The following STAU2 variants were observed in gnomAD, a reference collection of about 807,000 sequenced individuals.
STAU2 encodes double-stranded RNA-binding protein Staufen homolog 2.
STAU2 carries 20 observed loss-of-function variants against 65.9 expected under a neutral mutation model. The ratio of observed to expected loss-of-function variants is 0.30; its 90% CI spans 0.21 to 0.44. The LOEUF is 0.44. STAU2 is among the 20% of genes least tolerant of loss of function. The probability of loss-of-function intolerance (pLI) is 1.00; values close to 1 mark genes in which losing one functional copy is unlikely to be tolerated. For synonymous variants in STAU2, 232 were observed against 233.9 expected (o/e 0.99, Z 0.07); for missense variants, 558 against 683.9 (o/e 0.82, Z 2.05).
At chr8:73,656,429 C>T (rs534372195) in intron 6 of STAU2, among the ~76,000 whole-genome samples, 14 of 152,366 alleles carry the variant, frequency 9.2e-5, no homozygotes, top group African/African-American at 3.1e-4. Context: ...CAGAAACTAC[C>T]TGACTTACAA....
intron 6 of STAU2, among the ~76,000 whole-genome samples, chr8:73,671,903 T>C (rs1234218510): frequency 2.0e-5 from 3 of 151,934 alleles, no homozygotes; most frequent in African/African-American, 7.3e-5. Context: ...CAGGTGCCTG[T>C]AATCCCAGCT....
chr8:73,738,543 C>T lies in STAU2; in HGVS notation c.-83-194G>A, dbSNP rs749742389. 8.5e-5 allele frequency among the ~76,000 whole-genome samples: 13 copies of T among 152,338 alleles called. 1 individual carries two copies. Among genetic ancestry groups the T allele is most frequent in the Non-Finnish European group, 1.9e-4 (13 of 68,040 alleles). ...GGAAGTCATTAGCCACATGTGGCTA[C>T]TGAGCACTTGAAATGTGGCTAGAGC... On this transcript the variant is annotated intron_variant, in intron 2 of 14. Transcript: ENST00000524300.
intron 5 of STAU2, among the ~76,000 whole-genome samples, chr8:73,685,371 CTTT>C (rs887119948): frequency 2.7e-5 from 4 of 149,714 alleles, no homozygotes; most frequent in African/African-American, 9.8e-5. Context: ...AAAAGAAACA[CTTT>C]TTTTTTCTTT....
chr8:73,620,256 A>G (rs184906011), intron 6 of STAU2, among the ~76,000 whole-genome samples: 1 of 152,222 alleles, frequency 6.6e-6, no homozygotes, highest in African/African-American at 2.4e-5. Flanking sequence ...GACAACTTGA[A>G]ATCAGAAATT....
intron 5 of STAU2, among the ~76,000 whole-genome samples, chr8:73,685,235 T>C (rs567256336): frequency 2.3e-4 from 35 of 152,204 alleles, no homozygotes; most frequent in African/African-American, 7.5e-4. Context: ...CTTTCCTTCA[T>C]AAATTACCCA....
chr8:73,532,361 C>G (rs1399406823), intron 13 of STAU2, among the ~76,000 whole-genome samples: 1 of 152,152 alleles, frequency 6.6e-6, no homozygotes, highest in Non-Finnish European at 1.5e-5. Flanking sequence ...TTAAGCCTCC[C>G]CTTTTTAGGC....
chr8:73,651,920 T>C (rs1281064998), intron 6 of STAU2, among the ~76,000 whole-genome samples: 1 of 152,220 alleles, frequency 6.6e-6, no homozygotes, highest in Non-Finnish European at 1.5e-5. Context: ...GCAAAGGTTC[T>C]GGAGATTTCT....
chr8:73,661,569 AC>A (rs778593135), intron 6 of STAU2, among the ~76,000 whole-genome samples: 25 of 152,264 alleles, frequency 1.6e-4, no homozygotes, highest in Admixed American at 3.3e-4. Context: ...CATTTCTATC[AC>A]CCCCAAAACT....
At chr8:73,437,913 G>C (rs1365240644) in intron 13 of STAU2, among the ~76,000 whole-genome samples, 1 of 152,136 alleles carries the variant, frequency 6.6e-6, no homozygotes, top group Non-Finnish European at 1.5e-5. Context: ...CCCTGCCCTT[G>C]GAAGGCAATC....
At chr8:73,468,524 C>A (rs1291644251) in intron 13 of STAU2, among the ~76,000 whole-genome samples, 1 of 152,174 alleles carries the variant, frequency 6.6e-6, no homozygotes, top group Non-Finnish European at 1.5e-5. Flanking sequence ...AGGCAACCTA[C>A]AGAATGGGAG....
intron 13 of STAU2, among the ~76,000 whole-genome samples, chr8:73,529,731 G>T (rs903461021): frequency 6.6e-6 from 1 of 152,146 alleles, no homozygotes; most frequent in Non-Finnish European, 1.5e-5. Context: ...CAATATTAGT[G>T]TGTTTACATA....
intron 5 of STAU2, among the ~76,000 whole-genome samples, chr8:73,685,382 T>G (rs1243571312): frequency 7.1e-6 from 1 of 141,794 alleles, no homozygotes; most frequent in East Asian, 2.0e-4. Flanking sequence ...TTTTTTTTTC[T>G]TTTTTTTTTT....
intron 6 of STAU2, among the ~76,000 whole-genome samples, chr8:73,647,697 G>A (rs112801856): frequency 0.022 from 3,273 of 151,448 alleles, 123 homozygotes; most frequent in African/African-American, 0.074. Context: ...TCCCACCTCA[G>A]CCTCCCAAGT....
chr8:73,530,505 C>T (rs760980989), intron 13 of STAU2, among the ~76,000 whole-genome samples: 2 of 152,134 alleles, frequency 1.3e-5, no homozygotes, highest in Non-Finnish European at 2.9e-5. Context: ...TAGTGGGTAG[C>T]TCTAAGAGAA....
intron 6 of STAU2, among the ~76,000 whole-genome samples, chr8:73,618,488 C>A (rs1812996689): frequency 6.6e-6 from 1 of 152,160 alleles, no homozygotes; most frequent in African/African-American, 2.4e-5. Flanking sequence ...GGAAGCCTGT[C>A]TGGCAAAAGT....
At position 73,421,166 on chromosome 8, in the gene STAU2, C is replaced by G. The variant is rs576160250; in HGVS notation, c.*206G>C. The G allele has an allele frequency of 9.6e-6, 5 of 519,994 alleles. No individual in the cohort carries two copies. Among genetic ancestry groups the G allele is most frequent in the Non-Finnish European group, 1.7e-5 (5 of 296,696 alleles). 32.2% of individuals were successfully genotyped at this position (519,994 alleles called of 1,614,324 possible). The stretch of plus-strand genomic sequence containing the variant: ...AGGCAAATGAGTTATGATCTGATCT[C>G]GAGTTCCAAGGGAAATGCTCAAAGT... On this transcript the variant is annotated 3_prime_UTR_variant, in exon 15 of 15. Transcript: ENST00000524300.
chr8:73,538,973 C>T (rs1267345040), intron 13 of STAU2, among the ~76,000 whole-genome samples: 1 of 152,134 alleles, frequency 6.6e-6, no homozygotes, highest in East Asian at 1.9e-4. Context: ...TAACAGGGAA[C>T]AGTAACCACA....
intron 13 of STAU2, among the ~76,000 whole-genome samples, chr8:73,429,684 G>A (rs916250564): frequency 2.6e-5 from 4 of 151,558 alleles, no homozygotes; most frequent in Non-Finnish European, 5.9e-5. Flanking sequence ...CAACCCTCCC[G>A]CCTTGGCCTT....
chr8:73,574,456 T>G (rs1475971079), intron 12 of STAU2, among the ~76,000 whole-genome samples: 3 of 152,174 alleles, frequency 2.0e-5, no homozygotes, highest in Non-Finnish European at 2.9e-5. Context: ...CACATGCACA[T>G]GTATGCTTAT....
Sources: gnomAD v4.1 joint callset for allele counts (sites outside exome capture counted in the v4.1 genomes callset) on GRCh38, gnomAD v4.1.1 for gene constraint, MANE v1.5 for transcripts, NCBI Gene and HGNC (gene_info 2026-07-23, HGNC 2026-07-21) for gene names.